Variants in THSD7A observed in about 807,000 individuals in gnomAD.
THSD7A encodes thrombospondin type-1 domain-containing protein 7A.
Under a neutral mutation model 231.3 loss-of-function variants are expected in THSD7A, and 96 were observed. The observed-to-expected ratio is 0.41, with a 90% confidence interval of 0.35 to 0.49. THSD7A has a LOEUF of 0.49. THSD7A is among the 20% of genes least tolerant of loss of function. The probability of loss-of-function intolerance (pLI) is 0.05; values close to 1 mark genes in which losing one functional copy is unlikely to be tolerated. For synonymous variants in THSD7A, 940 were observed against 743.3 expected (o/e 1.26, Z -4.30); for missense variants, 2,290 against 2,070.2 (o/e 1.11, Z -2.06).
At position 11,377,704 on chromosome 7, in the gene THSD7A, T is replaced by G. The variant is rs559731238; in HGVS notation, c.4802-1047A>C. Among the ~76,000 whole-genome samples the G allele has an allele frequency of 6.6e-6, 1 of 152,250 alleles. No homozygotes were observed. The highest frequency in any genetic ancestry group is 2.1e-4 in the South Asian group (1 of 4,832). ...TAGAATCAAAAGAGCTGTTCCACGATTGAGGATCTCTGTTGAGAGTTTCTT... is the reference window on the plus strand; with the variant it reads ...TAGAATCAAAAGAGCTGTTCCACGAGTGAGGATCTCTGTTGAGAGTTTCTT... On this transcript the variant is annotated intron_variant, in intron 26 of 27. Coordinates refer to ENST00000423059, the MANE Select transcript of THSD7A (RefSeq NM_015204.3). This position sits in a 1 kb window ranked among gnomAD's most constrained non-coding sequence, Gnocchi z 4.5.
chr7:11,686,618 T>C (rs1780062222), intron 1 of THSD7A, among the ~76,000 whole-genome samples: 1 of 151,750 alleles, frequency 6.6e-6, no homozygotes, highest in Non-Finnish European at 1.5e-5. Context: ...ATGAAGAAAA[T>C]CTGGTATATA....
intron 4 of THSD7A, among the ~76,000 whole-genome samples, chr7:11,548,707 T>C (rs1243491954): frequency 6.6e-6 from 1 of 152,050 alleles, no homozygotes; most frequent in Non-Finnish European, 1.5e-5. Context: ...TGGTTCAATA[T>C]ACACAAATAA....
chr7:11,481,292 A>G lies in THSD7A; in HGVS notation c.2017+496T>C, dbSNP rs555138365. ...ATGAGATTTCTGGACCTCGGAGCCT[A>G]TGTTCAAGAAACTCAAAGAAACTGA... On this transcript the variant is annotated intron_variant, in intron 7 of 27. Coordinates refer to ENST00000423059, the MANE Select transcript of THSD7A (RefSeq NM_015204.3). 4.6e-5 allele frequency among the ~76,000 whole-genome samples: 7 copies of G among 152,320 alleles called. No homozygotes were observed. The East Asian group carries it at 1.4e-3, about 29-fold the overall frequency.
At position 11,377,150 on chromosome 7, in the gene THSD7A, G is replaced by A. The variant is rs1380923394; in HGVS notation, c.4802-493C>T. The A allele has an allele frequency of 1.3e-5, 2 of 151,856 alleles. No individual in the cohort carries two copies. Among genetic ancestry groups the A allele is most frequent in the Non-Finnish European group, 2.9e-5 (2 of 67,944 alleles). The allele number at this position is 151,856 out of a possible 1,614,324, so 9.4% of individuals were successfully genotyped here. ...AAAGTGAATATATTTAAGATTTTAT[G>A]GAATTAATAATCTTTTATCTAGTCT... is the stretch of plus-strand genomic sequence containing the variant. On this transcript the variant is annotated intron_variant, in intron 26 of 27. Transcript: ENST00000423059. The surrounding 1 kb of genome is among the most constrained non-coding windows in gnomAD (Gnocchi z 4.5).
At chr7:11,548,145 T>A (rs941692927) in intron 4 of THSD7A, among the ~76,000 whole-genome samples, 1 of 151,968 alleles carries the variant, frequency 6.6e-6, no homozygotes, top group African/African-American at 2.4e-5. Flanking sequence ...GAGAAGATCC[T>A]ATTAAACACA....
Position 11,411,937 on chromosome 7 carries a change from A to G in THSD7A, c.3683-615T>C, listed in dbSNP as rs375835568. 2.6e-5 allele frequency among the ~76,000 whole-genome samples: 4 copies of G among 152,248 alleles called. No individual in the cohort carries two copies. The highest frequency in any genetic ancestry group is 9.6e-5 in the African/African-American group (4 of 41,532). The stretch of plus-strand genomic sequence containing the variant: ...TTTTTGTATCATCAAAGGAAACTGA[A>G]GAGAAAAACCAAAAGAAACAAAGCC... On this transcript the variant is annotated intron_variant, in intron 18 of 27. Transcript: ENST00000423059. This position sits in a 1 kb window ranked among gnomAD's most constrained non-coding sequence, Gnocchi z 4.1.
chr7:11,594,744 T>C (rs1450853581), intron 2 of THSD7A, among the ~76,000 whole-genome samples: 3 of 152,144 alleles, frequency 2.0e-5, no homozygotes, highest in Non-Finnish European at 4.4e-5. Context: ...GCTAGATAAA[T>C]TGTCCTGAGT....
intron 6 of THSD7A, among the ~76,000 whole-genome samples, chr7:11,528,122 C>T (rs944651494): frequency 3.9e-5 from 6 of 152,096 alleles, no homozygotes; most frequent in African/African-American, 1.4e-4. Context: ...GAGCTATGGT[C>T]ATGCCATTGC....
At chr7:11,734,313 C>T (rs958136997) in intron 1 of THSD7A, among the ~76,000 whole-genome samples, 2 of 151,886 alleles carry the variant, frequency 1.3e-5, no homozygotes, top group Non-Finnish European at 2.9e-5. Flanking sequence ...ATCATTGGAA[C>T]AAAAATTTCC....
intron 1 of THSD7A, among the ~76,000 whole-genome samples, chr7:11,803,955 AAGATGACAAATACAG>A (rs1784340255): frequency 6.6e-6 from 1 of 152,152 alleles, no homozygotes; most frequent in African/African-American, 2.4e-5. Context: ...TATGTACTGA[AAGATGACAAATACAG>A]TTTTGTATGT....
intron 1 of THSD7A, among the ~76,000 whole-genome samples, chr7:11,773,392 A>G (rs1289086789): frequency 6.6e-6 from 1 of 151,968 alleles, no homozygotes; most frequent in African/African-American, 2.4e-5. Flanking sequence ...TTAGCCAGGC[A>G]TGGTGGTCAT....
intron 11 of THSD7A, among the ~76,000 whole-genome samples, chr7:11,448,827 G>A (rs1478321706): frequency 6.6e-6 from 1 of 152,044 alleles, no homozygotes; most frequent in Non-Finnish European, 1.5e-5. Flanking sequence ...AGCTTTAGAT[G>A]TGCTTTTCAT....
Position 11,654,998 on chromosome 7 carries a change from G to C in THSD7A, c.191-18037C>G, listed in dbSNP as rs376886321. On this transcript the variant is annotated intron_variant, in intron 1 of 27. Transcript: ENST00000423059. ...ATGTCTTGATGATGAATAGTGCAAC[G>C]TTTTATAGCCAAGATCTTCCAACCA... Among the ~76,000 whole-genome samples the C allele has an allele frequency of 7.9e-5, 12 of 151,904 alleles. No individual in the cohort carries two copies. The East Asian group carries it at 1.8e-3, about 22-fold the overall frequency.
intron 8 of THSD7A, among the ~76,000 whole-genome samples, chr7:11,472,660 T>G (rs1225638176): frequency 6.6e-6 from 1 of 152,194 alleles, no homozygotes; most frequent in Non-Finnish European, 1.5e-5. Context: ...CCCTTCCCAC[T>G]GATTTAATGC....
At chr7:11,432,498 C>T (rs1784506879) in intron 13 of THSD7A, among the ~76,000 whole-genome samples, 1 of 152,098 alleles carries the variant, frequency 6.6e-6, no homozygotes, top group Non-Finnish European at 1.5e-5. Flanking sequence ...AGAGCAACAA[C>T]TATCCTGACT....
At chr7:11,442,299 A>G (rs376886513) in intron 13 of THSD7A, among the ~76,000 whole-genome samples, 12 of 152,194 alleles carry the variant, frequency 7.9e-5, no homozygotes, top group African/African-American at 2.6e-4. Context: ...AAACTTAAAA[A>G]AAAGTGACCT....
At chr7:11,479,927 GC>G (rs1436710728) in intron 7 of THSD7A, among the ~76,000 whole-genome samples, 2 of 152,054 alleles carry the variant, frequency 1.3e-5, no homozygotes, top group African/African-American at 4.8e-5. Context: ...GATTCTCTAT[GC>G]CCTTGCTAAA....
At chr7:11,618,177 A>C (rs546904162) in intron 2 of THSD7A, among the ~76,000 whole-genome samples, 2 of 152,328 alleles carry the variant, frequency 1.3e-5, no homozygotes, top group Admixed American at 6.5e-5. Flanking sequence ...ATAAAACAGA[A>C]ATAAAATTAA....
At chr7:11,541,083 TAA>T (rs1008327773) in intron 6 of THSD7A, among the ~76,000 whole-genome samples, 1 of 152,208 alleles carries the variant, frequency 6.6e-6, no homozygotes, top group Non-Finnish European at 1.5e-5. Context: ...TAGACTTTTT[TAA>T]AAAAGTCACT....
Sources: allele counts gnomAD v4.1 joint callset (sites outside exome capture counted in the v4.1 genomes callset), GRCh38; gene constraint gnomAD v4.1.1; non-coding constraint Gnocchi (gnomAD v3.1); transcripts MANE v1.5; gene names NCBI Gene and HGNC (gene_info 2026-07-23, HGNC 2026-07-21).